Variants in RAB3GAP2 observed in about 807,000 individuals in gnomAD.
The protein encoded by RAB3GAP2 is rab3 GTPase-activating protein non-catalytic subunit.
Under a neutral mutation model 185.3 loss-of-function variants are expected in RAB3GAP2, and 87 were observed. The ratio of observed to expected loss-of-function variants is 0.47; its 90% CI spans 0.39 to 0.56. The LOEUF is 0.56. Ranked by LOEUF, RAB3GAP2 falls within the 20% of genes least tolerant of loss-of-function variation. The pLI is 0.00. For missense variants in RAB3GAP2, 1,492 were observed against 1,638.2 expected (o/e 0.91, Z 1.54); for synonymous variants, 554 against 576.1 (o/e 0.96, Z 0.55).
rs141652664 is a variant in RAB3GAP2, at chr1:220,209,558, A to G, written c.612+830T>C. ...TTCTGTCCAAATAAATTACCAATAA[A>G]TTAGGTATTGCTTTATATTACTGAT... On this transcript the variant is annotated intron_variant, in intron 7 of 34. Coordinates refer to ENST00000358951, the MANE Select transcript of RAB3GAP2 (RefSeq NM_012414.4). 2.5e-3 allele frequency among the ~76,000 whole-genome samples: 385 copies of G among 152,298 alleles called. 3 individuals carry two copies. Among genetic ancestry groups the G allele is most frequent in the Middle Eastern group, 0.017 (5 of 294 alleles).
At chr1:220,219,074 T>C (rs1228878114) in intron 2 of RAB3GAP2, among the ~76,000 whole-genome samples, 1 of 152,194 alleles carries the variant, frequency 6.6e-6, no homozygotes, top group Non-Finnish European at 1.5e-5. Flanking sequence ...TTTACCATAT[T>C]ATGAAGCAAA....
At chr1:220,179,946 G>A (rs560558693) in intron 21 of RAB3GAP2, among the ~76,000 whole-genome samples, 3 of 152,176 alleles carry the variant, frequency 2.0e-5, no homozygotes, top group African/African-American at 4.8e-5. Flanking sequence ...GGCAGATCAC[G>A]AGGTCAAGAG....
chr1:220,247,727 A>T (rs907993832), intron 1 of RAB3GAP2, among the ~76,000 whole-genome samples: 1 of 152,196 alleles, frequency 6.6e-6, no homozygotes, highest in East Asian at 1.9e-4. Context: ...CAAAAAATTC[A>T]CCTGTACCCC....
intron 19 of RAB3GAP2, 144 bp downstream of exon 19, chr1:220,183,892 A>C: frequency 1.7e-6 from 1 of 605,082 alleles, no homozygotes; most frequent in Non-Finnish European, 2.8e-6. Flanking sequence ...AAGCACAGAG[A>C]GCTAGCAGGG....
intron 21 of RAB3GAP2, among the ~76,000 whole-genome samples, chr1:220,178,988 G>T (rs1658348233): frequency 6.6e-6 from 1 of 151,970 alleles, no homozygotes; most frequent in African/African-American, 2.4e-5. Context: ...CTGCATACAA[G>T]AAACTCACTT....
chr1:220,269,665 T>C (rs913599164), intron 1 of RAB3GAP2, among the ~76,000 whole-genome samples: 6 of 152,156 alleles, frequency 3.9e-5, no homozygotes, highest in African/African-American at 1.4e-4. Context: ...GAGGTTGTAG[T>C]AAGCTGAGAT....
At chr1:220,212,760 T>C (rs1387248929) in intron 4 of RAB3GAP2, 127 bp downstream of exon 4, 1 of 817,600 alleles carries the variant, frequency 1.2e-6, no homozygotes, top group Non-Finnish European at 2.1e-6. Flanking sequence ...CCCAAAGTGC[T>C]AGGATTACAG....
At chr1:220,247,705 T>G (rs149002284) in intron 1 of RAB3GAP2, among the ~76,000 whole-genome samples, 21 of 152,210 alleles carry the variant, frequency 1.4e-4, no homozygotes, top group Non-Finnish European at 2.9e-4. Context: ...ACTAAAGAAC[T>G]CATCTGTGTA....
intron 28 of RAB3GAP2, 137 bp downstream of exon 28, chr1:220,162,061 C>A: frequency 1.4e-6 from 1 of 704,272 alleles, no homozygotes; most frequent in East Asian, 2.7e-5. Flanking sequence ...CTGGGCATTA[C>A]ATTTAACTGA....
At chr1:220,192,604 T>C (rs924719799) in intron 13 of RAB3GAP2, among the ~76,000 whole-genome samples, 1 of 152,332 alleles carries the variant, frequency 6.6e-6, no homozygotes, top group South Asian at 2.1e-4. Flanking sequence ...TCGGGGAATA[T>C]CTTCAAAGTA....
chr1:220,174,032 A>G (rs1195081525), intron 21 of RAB3GAP2, among the ~76,000 whole-genome samples: 1 of 151,410 alleles, frequency 6.6e-6, no homozygotes, highest in African/African-American at 2.4e-5. Flanking sequence ...AAAAAAAAAA[A>G]AAAAAAGAAA....
Position 220,171,919 on chromosome 1 carries a change from T to G in RAB3GAP2, c.2547A>C (p.Ala849=). The G allele has an allele frequency of 6.2e-7, 1 of 1,614,200 alleles. No individual in the cohort carries two copies. The highest frequency in any genetic ancestry group is 1.1e-5 in the South Asian group (1 of 91,084). The change falls in exon 23 of 35, where the codon GCA becomes GCC. Residue 849 remains alanine, a synonymous_variant. Transcript: ENST00000358951. ...TCTCTGTCATGTTGTTTGATATCTGTGCAGCAACAGAATGCCCAACATGCG... is the reference window on the plus strand; with the variant it reads ...TCTCTGTCATGTTGTTTGATATCTGGGCAGCAACAGAATGCCCAACATGCG... The part of the protein sequence containing the change: ...LSAHVGHSVA[A]QISNNMTEKK...
chr1:220,207,140 T>C (rs1484673229), intron 7 of RAB3GAP2, among the ~76,000 whole-genome samples: 2 of 152,198 alleles, frequency 1.3e-5, no homozygotes, highest in Non-Finnish European at 2.9e-5. Flanking sequence ...ATTATAAACA[T>C]CACTGCAATA....
intron 16 of RAB3GAP2, 101 bp downstream of exon 16, chr1:220,189,963 G>C (rs1658582580): frequency 9.0e-7 from 1 of 1,112,324 alleles, no homozygotes; most frequent in Non-Finnish European, 1.4e-6. Context: ...ATTCCAATAA[G>C]CTCATCCATG....
At chr1:220,213,098 T>C (rs1379760910) in intron 3 of RAB3GAP2, 130 bp from the exon 4 acceptor site, 12 of 623,684 alleles carry the variant, frequency 1.9e-5, no homozygotes, top group African/African-American at 5.6e-5. Context: ...CTGACTTGGG[T>C]CTTTTTTATA....
At chr1:220,192,251 T>TGA (rs1358835931) in intron 13 of RAB3GAP2, among the ~76,000 whole-genome samples, 2 of 152,356 alleles carry the variant, frequency 1.3e-5, no homozygotes, top group Admixed American at 6.5e-5. Context: ...CTACAGATAC[T>TGA]GAGACATGTA....
At chr1:220,186,310 G>T (rs1231953348) in intron 17 of RAB3GAP2, among the ~76,000 whole-genome samples, 1 of 152,102 alleles carries the variant, frequency 6.6e-6, no homozygotes, top group Non-Finnish European at 1.5e-5. Context: ...ACTATCAGAA[G>T]TTAAAGGTCA....
rs186633128 is a variant in RAB3GAP2, at chr1:220,266,574, A to G, written c.115+5649T>C. On this transcript the variant is annotated intron_variant, in intron 1 of 34. Transcript: ENST00000358951. ...TAGGGAGGTTAAGGCACACCTGCTCAGTAAAACAAATATTTCTTTTAGTGT... is the reference window on the plus strand; with the variant it reads ...TAGGGAGGTTAAGGCACACCTGCTCGGTAAAACAAATATTTCTTTTAGTGT... The G allele has an allele frequency of 5.5e-4, 462 of 835,982 alleles. 3 individuals are homozygous for G. The African/African-American group carries it at 6.6e-3, about 12-fold the overall frequency. The allele number at this position is 835,982 out of a possible 1,614,324, so 51.8% of individuals were successfully genotyped here.
chr1:220,272,322 C>T lies in RAB3GAP2; in HGVS notation c.16G>A (p.Val6Ile). 6.2e-7 allele frequency: 1 copy of T among 1,611,610 alleles called. No individual in the cohort carries two copies. The highest frequency in any genetic ancestry group is 8.5e-7 in the Non-Finnish European group (1 of 1,179,216). The change falls in exon 1 of 35, where the codon GTC becomes ATC. Residue 6 changes from valine (V) to isoleucine (I), a missense_variant. Coordinates refer to ENST00000358951, the MANE Select transcript of RAB3GAP2 (RefSeq NM_012414.4). Reference protein sequence around the residue: MACSIVQFCYFQDLQA... With the variant: MACSIIQFCYFQDLQA... ...AGGTCCTGGAAGTAGCAGAACTGGA[C>T]AATGGAGCAGGCCATGGCTCCAGGG... is the stretch of plus-strand genomic sequence containing the variant.
Sources: gnomAD v4.1 joint callset for allele counts (sites outside exome capture counted in the v4.1 genomes callset) on GRCh38, gnomAD v4.1.1 for gene constraint, MANE v1.5 for transcripts, NCBI Gene and HGNC (gene_info 2026-07-23, HGNC 2026-07-21) for gene names.